RNF141: variants seen among roughly 807,000 people sequenced by gnomAD.
The protein encoded by RNF141 is C3HC4-like zinc finger protein.
In RNF141, 18 loss-of-function variants were observed where a neutral mutation model predicts 27.4. That is an observed-to-expected ratio of 0.66 (90% confidence interval 0.45 to 0.97). The LOEUF (loss-of-function observed/expected upper bound fraction) is 0.97. Among genes scored for constraint, RNF141 ranks in the 50% least tolerant of loss-of-function variants. RNF141 has a pLI of 0.00. For synonymous variants in RNF141, 97 were observed against 96.6 expected, an observed-to-expected ratio of 1.00 and a Z score of -0.02; for missense variants, 230 against 279.4, an observed-to-expected ratio of 0.82 and a Z score of 1.26.
At chr11:10,522,359 T>C (rs1385080697) in intron 4 of RNF141, among the ~76,000 whole-genome samples, 3 of 152,166 alleles carry the variant, frequency 2.0e-5, no homozygotes, top group Non-Finnish European at 2.9e-5. Flanking sequence ...GATACAGAAA[T>C]AGCCAGTGGA....
chr11:10,512,270 A>G lies in RNF141; in HGVS notation c.*2646T>C, dbSNP rs890364053. The G allele has an allele frequency of 1.3e-5, 2 of 152,682 alleles. No individual in the cohort carries two copies. The highest frequency in any genetic ancestry group is 3.8e-4 in the East Asian group (2 of 5,206). The allele number at this position is 152,682 out of a possible 1,614,324, so 9.5% of individuals were successfully genotyped here. On this transcript the variant is annotated 3_prime_UTR_variant, in exon 6 of 6. Coordinates refer to ENST00000265981, the MANE Select transcript of RNF141 (RefSeq NM_016422.4). ...ATTAAACAAATTTACAACTTTTACGATTAGTTATTACAGTAGAACTGACCT... is the reference window on the plus strand; with the variant it reads ...ATTAAACAAATTTACAACTTTTACGGTTAGTTATTACAGTAGAACTGACCT...
chr11:10,536,682 A>G (rs1028871789), intron 1 of RNF141, among the ~76,000 whole-genome samples: 10 of 152,170 alleles, frequency 6.6e-5, no homozygotes, highest in Non-Finnish European at 1.2e-4. Context: ...CAGTCTGGTA[A>G]CAAACTCCTG....
At chr11:10,524,331 C>G (rs1269467102) in intron 4 of RNF141, among the ~76,000 whole-genome samples, 1 of 152,006 alleles carries the variant, frequency 6.6e-6, no homozygotes, top group African/African-American at 2.4e-5. Flanking sequence ...AGGAGAATGG[C>G]GTGAACCCGG....
chr11:10,531,383 A>AAAG (rs1246052126), intron 2 of RNF141, among the ~76,000 whole-genome samples: 2 of 151,680 alleles, frequency 1.3e-5, no homozygotes, highest in Non-Finnish European at 2.9e-5. Context: ...TCAAAAAAAA[A>AAAG]AAAAAGGTTA....
intron 4 of RNF141, among the ~76,000 whole-genome samples, chr11:10,520,288 C>T (rs1483048778): frequency 6.6e-6 from 1 of 152,154 alleles, no homozygotes; most frequent in African/African-American, 2.4e-5. Flanking sequence ...TTAAAACACA[C>T]ATTATACAGC....
At chr11:10,539,701 A>ATATATATATATATATATATAT (rs10524171) in intron 1 of RNF141, among the ~76,000 whole-genome samples, 844 of 31,370 alleles carry the variant, frequency 0.027, 119 homozygotes, top group Middle Eastern at 0.062. Flanking sequence ...CATATATATT[A>ATATATATATATATATATATAT]GAGAGAGAAG....
chr11:10,540,044 C>G (rs1175636820), intron 1 of RNF141, among the ~76,000 whole-genome samples: 2 of 152,020 alleles, frequency 1.3e-5, no homozygotes. Flanking sequence ...AAAATCCATA[C>G]TATTTTTGAG....
chr11:10,518,000 T>C (rs1849856198), intron 5 of RNF141, among the ~76,000 whole-genome samples: 1 of 151,982 alleles, frequency 6.6e-6, no homozygotes, highest in Non-Finnish European at 1.5e-5. Flanking sequence ...CACTGAAAAC[T>C]AAAAAAATTG....
chr11:10,515,821 T>C (rs926224247), intron 5 of RNF141: 16 of 152,324 alleles, frequency 1.1e-4, no homozygotes, highest in African/African-American at 3.8e-4. Context: ...GGAAGACTTA[T>C]ATAAAAATGG....
At chr11:10,526,286 A>G (rs1388432459) in intron 3 of RNF141, among the ~76,000 whole-genome samples, 1 of 152,186 alleles carries the variant, frequency 6.6e-6, no homozygotes, top group Non-Finnish European at 1.5e-5. Flanking sequence ...ATATAGGGAG[A>G]GAGACAAAGA....
intron 2 of RNF141, 93 bp downstream of exon 2, chr11:10,533,923 A>G (rs1465294562): frequency 4.3e-6 from 5 of 1,160,192 alleles, no homozygotes; most frequent in Admixed American, 2.5e-5. Flanking sequence ...AGTCTTACCA[A>G]TCAACACCTC....
chr11:10,525,910 A>G (rs1444258539), intron 3 of RNF141, among the ~76,000 whole-genome samples: 1 of 152,194 alleles, frequency 6.6e-6, no homozygotes, highest in Non-Finnish European at 1.5e-5. Context: ...AGCTTTATCA[A>G]AAAACTCGTT....
chr11:10,522,257 A>G (rs897796193), intron 4 of RNF141, among the ~76,000 whole-genome samples: 1 of 152,246 alleles, frequency 6.6e-6, no homozygotes, highest in Non-Finnish European at 1.5e-5. Context: ...GAATCTGTAC[A>G]GAGTGAAAGA....
At chr11:10,522,769 AATT>A (rs1448531903) in intron 4 of RNF141, among the ~76,000 whole-genome samples, 1 of 152,224 alleles carries the variant, frequency 6.6e-6, no homozygotes, top group African/African-American at 2.4e-5. Context: ...CTTATAGACA[AATT>A]ATTATGTGTC....
chr11:10,533,359 T>C (rs1372253321), intron 2 of RNF141, among the ~76,000 whole-genome samples: 2 of 152,114 alleles, frequency 1.3e-5, no homozygotes, highest in Non-Finnish European at 2.9e-5. Context: ...AGGTGTACTC[T>C]TTAAGAAGGC....
intron 1 of RNF141, among the ~76,000 whole-genome samples, chr11:10,540,047 T>A (rs1435345558): frequency 1.3e-5 from 2 of 152,220 alleles, no homozygotes; most frequent in South Asian, 2.1e-4. Context: ...ATCCATACTA[T>A]TTTTGAGCTC....
At chr11:10,515,226 T>C in intron 5 of RNF141, 160 bp from the exon 6 acceptor site, 1 of 782,812 alleles carries the variant, frequency 1.3e-6, no homozygotes, top group Non-Finnish European at 1.9e-6. Flanking sequence ...CAATTCTCTT[T>C]CCCAGGGGCA....
At position 10,514,923 on chromosome 11, in the gene RNF141, C is replaced by G; in HGVS notation, c.686G>C (p.Arg229Thr). ...AAGACTTTCACTTCAAGGTCATGGCCTGTGGGGCTGGCCTGCCTCATCAGC... is the reference window on the plus strand; with the variant it reads ...AAGACTTTCACTTCAAGGTCATGGCGTGTGGGGCTGGCCTGCCTCATCAGC... The part of the protein sequence containing the change: ...NMADEAGQPH[R>T]P The change falls in exon 6 of 6, where the codon AGG becomes ACG. Residue 229 changes from arginine to threonine, a missense_variant. Coordinates refer to ENST00000265981, the MANE Select transcript of RNF141 (RefSeq NM_016422.4). 1 of 1,611,992 alleles carries G rather than the reference C, an allele frequency of 6.2e-7. No homozygotes were observed. The highest frequency in any genetic ancestry group is 1.1e-5 in the South Asian group (1 of 90,644).
intron 1 of RNF141, among the ~76,000 whole-genome samples, 158 bp from the exon 2 acceptor site, chr11:10,534,363 T>C (rs1850015547): frequency 6.6e-6 from 1 of 152,134 alleles, no homozygotes; most frequent in Non-Finnish European, 1.5e-5. Context: ...TGTTTTCAGA[T>C]TCACATAGCT....
Sources: gnomAD v4.1 joint callset for allele counts (sites outside exome capture counted in the v4.1 genomes callset) on GRCh38, gnomAD v4.1.1 for gene constraint, MANE v1.5 for transcripts, NCBI Gene and HGNC (gene_info 2026-07-23, HGNC 2026-07-21) for gene names.